GPM6A: variants seen among roughly 807,000 people sequenced by gnomAD.
GPM6A encodes the protein neuronal membrane glycoprotein M6-a.
A neutral mutation model predicts 32.1 loss-of-function variants in GPM6A; 7 were observed. The ratio of observed to expected loss-of-function variants is 0.22; its 90% CI spans 0.12 to 0.41. GPM6A has a LOEUF of 0.41. GPM6A is among the 10% of genes least tolerant of loss of function. The probability of loss-of-function intolerance (pLI) is 1.00; values close to 1 mark genes in which losing one functional copy is unlikely to be tolerated. For missense variants in GPM6A, 235 were observed against 347.2 expected (o/e 0.68, Z 2.57); for synonymous variants, 130 against 123.4 (o/e 1.05, Z -0.35).
At chr4:175,860,711 A>G (rs1423559565) in intron 1 of GPM6A, among the ~76,000 whole-genome samples, 1 of 152,210 alleles carries the variant, frequency 6.6e-6, no homozygotes, top group Non-Finnish European at 1.5e-5. Flanking sequence ...TTAAACACCA[A>G]CAGTAAAGAT....
chr4:175,947,777 T>C (rs1033635036), intron 1 of GPM6A: 1 of 152,180 alleles, frequency 6.6e-6, no homozygotes, highest in African/African-American at 2.4e-5. Context: ...TACTGAGGGC[T>C]GAGTATATTT....
At chr4:175,946,666 C>T (rs77091172) in intron 1 of GPM6A, among the ~76,000 whole-genome samples, 1,625 of 151,976 alleles carry the variant, frequency 0.011, 26 homozygotes, top group African/African-American at 0.037. Flanking sequence ...GTGGAGTGTC[C>T]GAGGGATAAA....
intron 2 of GPM6A, among the ~76,000 whole-genome samples, chr4:175,698,926 TA>T (rs755623309): frequency 8.5e-5 from 13 of 152,298 alleles, no homozygotes; most frequent in South Asian, 2.1e-4. Flanking sequence ...ATCTCTACAA[TA>T]TATGAAAGTT....
rs34286041 is a variant in GPM6A, at chr4:175,778,627, CAAAAAAAAAAAAAA to C, written c.37+33550_37+33563del. Among the ~76,000 whole-genome samples, 212 of 75,226 alleles carry C rather than the reference CAAAAAAAAAAAAAA, an allele frequency of 2.8e-3. 1 individual carries two copies. The highest frequency in any genetic ancestry group is 0.01 in the African/African-American group (196 of 19,454). 49.4% of individuals were successfully genotyped at this position (75,226 alleles called of 152,430 possible). Reference sequence around the variant, plus strand: ...CAACAGAGCAAGACTCTGTATCCAACAAAAAAAAAAAAAAAAAAAAAAAGAAAAAGAAAAAGAAA... The same window carrying C: ...CAACAGAGCAAGACTCTGTATCCAACAAAAAAAAAGAAAAAGAAAAAGAAA... On this transcript the variant is annotated intron_variant, in intron 1 of 6. Transcript: ENST00000393658.
At chr4:175,646,986 C>T (rs1741496927) in intron 4 of GPM6A, among the ~76,000 whole-genome samples, 1 of 152,248 alleles carries the variant, frequency 6.6e-6, no homozygotes. Context: ...TACTTTCTGT[C>T]TCAGTGACTG....
At chr4:175,795,316 G>T (rs1025889825) in intron 1 of GPM6A, among the ~76,000 whole-genome samples, 1 of 152,108 alleles carries the variant, frequency 6.6e-6, no homozygotes, top group Admixed American at 6.6e-5. Flanking sequence ...CTCTTCGAAG[G>T]CACTCAATAA....
intron 1 of GPM6A, among the ~76,000 whole-genome samples, chr4:175,772,396 T>C (rs1357156208): frequency 6.6e-6 from 1 of 152,166 alleles, no homozygotes; most frequent in Non-Finnish European, 1.5e-5. Context: ...GAGAGAAGAA[T>C]GTCGCATGCT....
At chr4:175,650,282 ATTTATT>A (rs1176726358) in intron 4 of GPM6A, among the ~76,000 whole-genome samples, 1 of 15,076 alleles carries the variant, frequency 6.6e-5, no homozygotes, top group Admixed American at 7.1e-4. Flanking sequence ...TTATTTATTT[ATTTATT>A]TATTTATTTA....
intron 1 of GPM6A, among the ~76,000 whole-genome samples, chr4:176,000,527 A>G (rs1329748783): frequency 6.6e-6 from 1 of 152,254 alleles, no homozygotes; most frequent in African/African-American, 2.4e-5. Flanking sequence ...TGAATACCTT[A>G]CCTTTGATAG....
At chr4:175,957,925 C>T (rs989206978) in intron 1 of GPM6A, among the ~76,000 whole-genome samples, 9 of 152,282 alleles carry the variant, frequency 5.9e-5, no homozygotes, top group South Asian at 2.1e-4. Flanking sequence ...CGGAGTCTCA[C>T]TGCAACACCC....
chr4:175,830,185 T>A (rs976086244), intron 1 of GPM6A, among the ~76,000 whole-genome samples: 1 of 152,156 alleles, frequency 6.6e-6, no homozygotes, highest in African/African-American at 2.4e-5. Flanking sequence ...TGGTGATGGT[T>A]GAGCTGGTCA....
intron 1 of GPM6A, among the ~76,000 whole-genome samples, chr4:175,966,272 T>C (rs927227307): frequency 6.6e-5 from 10 of 152,076 alleles, no homozygotes; most frequent in Admixed American, 6.5e-4. Context: ...CATGGTGGCA[T>C]GTGCCTGTAG....
At chr4:175,960,926 A>G (rs1740143637) in intron 1 of GPM6A, among the ~76,000 whole-genome samples, 1 of 152,240 alleles carries the variant, frequency 6.6e-6, no homozygotes, top group South Asian at 2.1e-4. Flanking sequence ...TCCAAGACAT[A>G]GCTACTTTTC....
intron 1 of GPM6A, among the ~76,000 whole-genome samples, chr4:175,970,239 C>G (rs565269163): frequency 1.3e-5 from 2 of 152,244 alleles, no homozygotes; most frequent in Admixed American, 6.5e-5. Context: ...TAAACAGAAA[C>G]ACACCAGACT....
intron 1 of GPM6A, among the ~76,000 whole-genome samples, chr4:175,881,116 G>A (rs1429522470): frequency 6.6e-6 from 1 of 152,024 alleles, no homozygotes; most frequent in African/African-American, 2.4e-5. Context: ...CTAATATCCA[G>A]AATCTACAAA....
chr4:175,701,492 C>A, intron 2 of GPM6A, 83 bp downstream of exon 2: 1 of 946,342 alleles, frequency 1.1e-6, no homozygotes, highest in Non-Finnish European at 1.7e-6. Flanking sequence ...ATCACCTCAT[C>A]TAACTGTAGG....
chr4:175,689,378 C>A (rs1744166951), intron 2 of GPM6A, among the ~76,000 whole-genome samples: 1 of 151,488 alleles, frequency 6.6e-6, no homozygotes, highest in African/African-American at 2.4e-5. Flanking sequence ...TCTTTAATTT[C>A]TTTCAAGAAT....
intron 2 of GPM6A, among the ~76,000 whole-genome samples, chr4:175,674,153 G>A (rs1743234769): frequency 6.6e-6 from 1 of 152,012 alleles, no homozygotes. Context: ...ACTTCTAAAG[G>A]AATTTGCTCC....
chr4:176,000,296 A>T (rs562016211), intron 1 of GPM6A, among the ~76,000 whole-genome samples: 1 of 152,330 alleles, frequency 6.6e-6, no homozygotes, highest in South Asian at 2.1e-4. Context: ...AATTTTAGGT[A>T]TCTGTCAGAT....
Sources: allele counts gnomAD v4.1 joint callset (sites outside exome capture counted in the v4.1 genomes callset), GRCh38; gene constraint gnomAD v4.1.1; transcripts MANE v1.5; gene names NCBI Gene and HGNC (gene_info 2026-07-23, HGNC 2026-07-21).